Variants in SPRED2 observed in about 807,000 individuals in gnomAD.
SPRED2 encodes sprouty related EVH1 domain containing 2.
SPRED2 carries 47 observed loss-of-function variants against 43.0 expected under a neutral mutation model. The observed-to-expected ratio is 1.09, with a 90% confidence interval of 0.87 to 1.40. The LOEUF is 1.40. SPRED2 is among the 40% of genes most tolerant of loss of function. The pLI, the probability that SPRED2 is intolerant of heterozygous loss-of-function variation, is 0.00. For missense variants in SPRED2, 561 were observed against 586.4 expected, an observed-to-expected ratio of 0.96 and a Z score of 0.45; for synonymous variants, 225 against 225.7, an observed-to-expected ratio of 1.00 and a Z score of 0.03.
intron 1 of SPRED2, among the ~76,000 whole-genome samples, chr2:65,370,666 C>T (rs1675101521): frequency 6.6e-6 from 1 of 152,174 alleles, no homozygotes; most frequent in African/African-American, 2.4e-5. Flanking sequence ...GTGATTTGGT[C>T]CACAGGATCT....
rs1018811630 is a variant in SPRED2, at chr2:65,312,811, C to G, written c.*690G>C. 7 of 985,660 alleles carry G rather than the reference C, an allele frequency of 7.1e-6. No individual in the cohort carries two copies. The African/African-American group carries it at 1.2e-4, about 17-fold the overall frequency. 61.1% of individuals were successfully genotyped at this position (985,660 alleles called of 1,614,324 possible). On this transcript the variant is annotated 3_prime_UTR_variant, in exon 6 of 6. Transcript: ENST00000356388. ...CAGTCTATTACGGGTGAATGTTTTG[C>G]ATCAGTGAATCATTTCAACAGATTT...
intron 4 of SPRED2, among the ~76,000 whole-genome samples, chr2:65,328,280 T>C (rs1192116562): frequency 6.6e-6 from 1 of 152,186 alleles, no homozygotes. Context: ...ATGTACCAGT[T>C]TAAATGCACA....
intron 1 of SPRED2, among the ~76,000 whole-genome samples, chr2:65,398,442 A>G (rs1485935174): frequency 6.6e-6 from 1 of 152,256 alleles, no homozygotes; most frequent in East Asian, 1.9e-4. Flanking sequence ...CAGTTAGCAG[A>G]CAACCCGCAG....
intron 1 of SPRED2, among the ~76,000 whole-genome samples, chr2:65,352,442 G>C (rs1467556730): frequency 6.6e-6 from 1 of 152,184 alleles, no homozygotes; most frequent in Non-Finnish European, 1.5e-5. Context: ...TACTTAAACA[G>C]GGACTAACAC....
In SPRED2 at chr2:65,386,285, C is replaced by CAAAAAAAAAAAAAAAAAAAAAAAAAACA. The variant is rs761665293; in HGVS notation, c.27-41390_27-41389insTGTTTTTTTTTTTTTTTTTTTTTTTTTT. 3.6e-5 allele frequency among the ~76,000 whole-genome samples: 2 copies of CAAAAAAAAAAAAAAAAAAAAAAAAAACA among 55,480 alleles called. 1 individual carries two copies. Among genetic ancestry groups the CAAAAAAAAAAAAAAAAAAAAAAAAAACA allele is most frequent in the Non-Finnish European group, 6.1e-5 (2 of 32,942 alleles). The allele number at this position is 55,480 out of a possible 152,430, so 36.4% of individuals were successfully genotyped here. A position where few individuals can be genotyped will look rare whatever the true frequency, so the allele number is the denominator to read the frequency against. ...GGGCGACAAGAGTGAGACTCTGTCT[C>CAAAAAAAAAAAAAAAAAAAAAAAAAACA]AAAAAAAAAAAAAAAAAAAGAAAGC... is the stretch of plus-strand genomic sequence containing the variant. On this transcript the variant is annotated intron_variant, in intron 1 of 5. Coordinates refer to ENST00000356388, the MANE Select transcript of SPRED2 (RefSeq NM_181784.3).
At position 65,313,675 on chromosome 2, in the gene SPRED2, A is replaced by G. The variant is rs1673138838; in HGVS notation, c.1083T>C (p.Tyr361=). The change falls in exon 6 of 6, where the codon TAT becomes TAC. Residue 361 remains tyrosine (Y), a synonymous_variant. Coordinates refer to ENST00000356388, the MANE Select transcript of SPRED2 (RefSeq NM_181784.3). ...TAGTATCGCACGAGCAAGGGTCTGTATAGTCTCCCTCGGGGTCCGACATAC... is the reference window on the plus strand; with the variant it reads ...TAGTATCGCACGAGCAAGGGTCTGTGTAGTCTCCCTCGGGGTCCGACATAC... ...YHCMSDPEGD[Y]TDPCSCDTSD... 6.2e-7 allele frequency: 1 copy of G among 1,614,198 alleles called. No individual in the cohort carries two copies. The highest frequency in any genetic ancestry group is 8.5e-7 in the Non-Finnish European group (1 of 1,180,028).
intron 4 of SPRED2, 72 bp from the exon 5 acceptor site, chr2:65,316,955 T>A: frequency 6.7e-7 from 1 of 1,489,942 alleles, no homozygotes. Flanking sequence ...AACCCTGACA[T>A]GCACTATTCA....
At chr2:65,339,047 TGG>T (rs1214486678) in intron 2 of SPRED2, among the ~76,000 whole-genome samples, 1 of 117,426 alleles carries the variant, frequency 8.5e-6, no homozygotes, top group Non-Finnish European at 1.7e-5. Context: ...GGGAGGGAGG[TGG>T]GGGGCTCAGC....
intron 3 of SPRED2, chr2:65,334,031 T>A (rs1558655600): frequency 3.0e-6 from 1 of 333,458 alleles, no homozygotes; most frequent in African/African-American, 2.1e-5. Context: ...CTGTGGACTC[T>A]AGTCAAGCCC....
chr2:65,417,881 G>A (rs982328747), intron 1 of SPRED2, among the ~76,000 whole-genome samples: 1 of 152,212 alleles, frequency 6.6e-6, no homozygotes, highest in Non-Finnish European at 1.5e-5. Context: ...CTTCACTGAC[G>A]AGTGCTGTGA....
intron 1 of SPRED2, among the ~76,000 whole-genome samples, chr2:65,394,869 G>A (rs530502682): frequency 6.6e-6 from 1 of 152,256 alleles, no homozygotes; most frequent in East Asian, 1.9e-4. Flanking sequence ...AACAACAACT[G>A]CATTTTCACA....
chr2:65,321,697 T>C (rs1332086319), intron 4 of SPRED2, among the ~76,000 whole-genome samples: 1 of 152,146 alleles, frequency 6.6e-6, no homozygotes, highest in Non-Finnish European at 1.5e-5. Context: ...CTAACTCCAG[T>C]GTTTACATCT....
intron 1 of SPRED2, among the ~76,000 whole-genome samples, chr2:65,349,644 A>G (rs1572860228): frequency 6.6e-6 from 1 of 152,384 alleles, no homozygotes; most frequent in Non-Finnish European, 1.5e-5. Flanking sequence ...TAAACATGAA[A>G]AAGAGAAGTT....
chr2:65,330,551 G>T (rs891524804), intron 4 of SPRED2, among the ~76,000 whole-genome samples: 3 of 152,046 alleles, frequency 2.0e-5, no homozygotes, highest in Admixed American at 2.0e-4. Flanking sequence ...CCCCACACAT[G>T]CAAAGTCCCC....
At chr2:65,337,581 T>G (rs1210175379) in intron 2 of SPRED2, among the ~76,000 whole-genome samples, 1 of 152,246 alleles carries the variant, frequency 6.6e-6, no homozygotes, top group African/African-American at 2.4e-5. Flanking sequence ...GTGGCTTCTT[T>G]ACATATACAC....
rs1183540362 is a variant in SPRED2 at position 65,432,085 on chromosome 2, C to T, written c.-98G>A. The T allele has an allele frequency of 1.3e-6, 2 of 1,510,082 alleles. No individual in the cohort carries two copies. Among genetic ancestry groups the T allele is most frequent in the African/African-American group, 2.7e-5 (2 of 72,876 alleles). 93.5% of individuals were successfully genotyped at this position (1,510,082 alleles called of 1,614,324 possible). On this transcript the variant is annotated 5_prime_UTR_variant, in exon 1 of 6. Coordinates refer to ENST00000356388, the MANE Select transcript of SPRED2 (RefSeq NM_181784.3). ...CCTTCTTCACATCTCCGGAGATCGC[C>T]TGATTTGGGGAGGGGGGGCGGCTAG... is the stretch of plus-strand genomic sequence containing the variant.
chr2:65,322,375 G>C (rs1245976288), intron 4 of SPRED2, among the ~76,000 whole-genome samples: 1 of 142,996 alleles, frequency 7.0e-6, no homozygotes, highest in African/African-American at 2.6e-5. Context: ...CTCACTGTAA[G>C]CTCTGCCTCC....
chr2:65,388,901 TCTCCCA>T (rs1675568094), intron 1 of SPRED2, among the ~76,000 whole-genome samples: 1 of 151,928 alleles, frequency 6.6e-6, no homozygotes, highest in South Asian at 2.1e-4. Flanking sequence ...GGTAAATTGC[TCTCCCA>T]GGCAGCCACA....
In SPRED2 at chr2:65,312,385, C is replaced by T. The variant is rs549769048; in HGVS notation, c.*1116G>A. 2.6e-5 allele frequency: 26 copies of T among 985,338 alleles called. No individual in the cohort carries two copies. The South Asian group carries it at 1.0e-3, about 39-fold the overall frequency. 61.0% of individuals were successfully genotyped at this position (985,338 alleles called of 1,614,324 possible). Reference sequence around the variant, plus strand: ...ACATAAACCCATGAAGAAAATGCAACCCACCACTCTTCAAATTTATGACAT... The same window carrying T: ...ACATAAACCCATGAAGAAAATGCAATCCACCACTCTTCAAATTTATGACAT... On this transcript the variant is annotated 3_prime_UTR_variant, in exon 6 of 6. Coordinates refer to ENST00000356388, the MANE Select transcript of SPRED2 (RefSeq NM_181784.3).
Sources: gnomAD v4.1 joint callset for allele counts (sites outside exome capture counted in the v4.1 genomes callset) on GRCh38, gnomAD v4.1.1 for gene constraint, MANE v1.5 for transcripts, NCBI Gene and HGNC (gene_info 2026-07-23, HGNC 2026-07-21) for gene names.